The following MARCHF1 variants were observed in gnomAD, a reference collection of about 807,000 sequenced individuals.
The protein encoded by MARCHF1 is E3 ubiquitin-protein ligase MARCHF1.
Under a neutral mutation model 54.2 loss-of-function variants are expected in MARCHF1, and 40 were observed. That is an observed-to-expected ratio of 0.74 (90% CI 0.57 to 0.96). The LOEUF is 0.96. MARCHF1 is among the 40% of genes least tolerant of loss of function. The probability of loss-of-function intolerance (pLI) is 0.00; values close to 1 mark genes in which losing one functional copy is unlikely to be tolerated. For synonymous variants in MARCHF1, 236 were observed against 236.3 expected (o/e 1.00, Z 0.01); for missense variants, 586 against 656.5 (o/e 0.89, Z 1.17).
rs1753916591 is a variant in MARCHF1, at chr4:164,033,229, C to T, written c.-247-44520G>A. On this transcript the variant is annotated intron_variant, in intron 2 of 9. Transcript: ENST00000514618. ...GGAAAACCGGCTAGCCATTTGCAGA[C>T]AACTAAAATTGGACCCCTTCCCTAT... Among the ~76,000 whole-genome samples the T allele has an allele frequency of 2.0e-5, 3 of 149,686 alleles. No individual in the cohort carries two copies. In the South Asian group the frequency reaches 6.3e-4, roughly 31 times the overall value.
intron 1 of MARCHF1, among the ~76,000 whole-genome samples, chr4:164,165,082 C>G (rs1031354989): frequency 4.6e-5 from 7 of 151,918 alleles, no homozygotes; most frequent in Non-Finnish European, 1.0e-4. Flanking sequence ...GAGCGCATGT[C>G]AGATAGCCCA....
intron 5 of MARCHF1, among the ~76,000 whole-genome samples, chr4:163,627,841 T>G (rs944441047): frequency 6.5e-5 from 4 of 61,370 alleles, no homozygotes; most frequent in Admixed American, 1.4e-4. Flanking sequence ...AAGGAATATG[T>G]TTTTTTTTTA....
intron 5 of MARCHF1, among the ~76,000 whole-genome samples, chr4:163,632,191 G>A (rs970597985): frequency 2.6e-5 from 4 of 152,184 alleles, no homozygotes; most frequent in Admixed American, 1.3e-4. Flanking sequence ...TCTATGATAT[G>A]GTTTGAATAT....
intron 3 of MARCHF1, among the ~76,000 whole-genome samples, chr4:163,978,051 C>G (rs4691943): frequency 0.53 from 79,896 of 151,946 alleles, 22,507 homozygotes; most frequent in Middle Eastern, 0.68. Context: ...ATGTATTTCG[C>G]TATAAATTCT....
chr4:164,211,756 TG>T (rs778952852), intron 1 of MARCHF1, among the ~76,000 whole-genome samples: 3 of 152,156 alleles, frequency 2.0e-5, no homozygotes, highest in African/African-American at 7.2e-5. Context: ...GGATGCCATC[TG>T]GGAATGAGTT....
At chr4:164,070,302 T>C (rs998772666) in intron 2 of MARCHF1, among the ~76,000 whole-genome samples, 2 of 152,184 alleles carry the variant, frequency 1.3e-5, no homozygotes, top group African/African-American at 2.4e-5. Flanking sequence ...AAGTGATACA[T>C]ACAGGCCTTA....
intron 1 of MARCHF1, among the ~76,000 whole-genome samples, chr4:164,326,796 A>G (rs1241552194): frequency 2.0e-5 from 3 of 152,222 alleles, no homozygotes; most frequent in Non-Finnish European, 4.4e-5. Context: ...AAAAGTATAG[A>G]TTCTGGAGCC....
At chr4:163,558,459 T>A (rs908486427) in intron 8 of MARCHF1, among the ~76,000 whole-genome samples, 3 of 152,208 alleles carry the variant, frequency 2.0e-5, no homozygotes, top group Non-Finnish European at 4.4e-5. Flanking sequence ...GAAGGTTCTC[T>A]GGCTTCAGGA....
intron 4 of MARCHF1, among the ~76,000 whole-genome samples, chr4:163,706,758 C>T (rs1744961819): frequency 6.6e-6 from 1 of 151,694 alleles, no homozygotes; most frequent in African/African-American, 2.4e-5. Context: ...ATAAAATGAT[C>T]TTAAAAAACA....
At chr4:163,918,584 T>C (rs975498212) in intron 3 of MARCHF1, among the ~76,000 whole-genome samples, 1 of 152,178 alleles carries the variant, frequency 6.6e-6, no homozygotes, top group Admixed American at 6.6e-5. Context: ...GTGTGTATCT[T>C]CAGCAACATG....
intron 5 of MARCHF1, among the ~76,000 whole-genome samples, chr4:163,694,247 C>T (rs574707264): frequency 1.0e-3 from 159 of 152,258 alleles, no homozygotes; most frequent in Admixed American, 2.2e-3. Context: ...ACCAAAATCC[C>T]TTTGGGTCCC....
chr4:164,103,955 T>C (rs1358690298), intron 2 of MARCHF1, among the ~76,000 whole-genome samples: 1 of 150,338 alleles, frequency 6.7e-6, no homozygotes, highest in Non-Finnish European at 1.5e-5. Context: ...CCCACAGAAA[T>C]ACAAACTACC....
intron 2 of MARCHF1, among the ~76,000 whole-genome samples, chr4:164,042,295 T>C (rs978184034): frequency 1.3e-5 from 2 of 151,932 alleles, no homozygotes; most frequent in Non-Finnish European, 2.9e-5. Flanking sequence ...GAGTAATGTA[T>C]GAAAAAAGAG....
chr4:163,534,689 T>G (rs986447671), intron 9 of MARCHF1, among the ~76,000 whole-genome samples: 1 of 152,090 alleles, frequency 6.6e-6, no homozygotes, highest in African/African-American at 2.4e-5. Context: ...CAGGCATTTA[T>G]CATTAATCAG....
chr4:163,548,185 A>G (rs1419341911), intron 8 of MARCHF1, among the ~76,000 whole-genome samples: 2 of 152,216 alleles, frequency 1.3e-5, no homozygotes, highest in African/African-American at 4.8e-5. Flanking sequence ...TGGCAATAGC[A>G]TTTTGCAATT....
chr4:164,302,916 AG>A (rs58766096), intron 1 of MARCHF1, among the ~76,000 whole-genome samples: 15,095 of 151,632 alleles, frequency 0.1, 918 homozygotes, highest in African/African-American at 0.16. Context: ...ATGCTATTAA[AG>A]CCTGAAGAAA....
At chr4:163,580,700 ATAT>A (rs1218657172) in intron 8 of MARCHF1, among the ~76,000 whole-genome samples, 1 of 152,202 alleles carries the variant, frequency 6.6e-6, no homozygotes, top group Middle Eastern at 3.2e-3. Flanking sequence ...ATTGGGTAAA[ATAT>A]TATTGTTTAA....
intron 1 of MARCHF1, among the ~76,000 whole-genome samples, chr4:164,372,873 CATTT>C (rs1056930168): frequency 2.0e-5 from 3 of 151,948 alleles, no homozygotes; most frequent in Non-Finnish European, 2.9e-5. Flanking sequence ...TTAATCAATT[CATTT>C]ATTTATTTAT....
rs74207024 is a variant in MARCHF1 at position 164,122,430 on chromosome 4, G to A, written c.-322-10768C>T. 2.5e-3 allele frequency among the ~76,000 whole-genome samples: 378 copies of A among 152,120 alleles called. No individual in the cohort carries two copies. In the Middle Eastern group the frequency reaches 0.027, roughly 11 times the overall value. On this transcript the variant is annotated intron_variant, in intron 1 of 9. Coordinates refer to ENST00000514618, the MANE Select transcript of MARCHF1 (RefSeq NM_001394959.1). The stretch of plus-strand genomic sequence containing the variant: ...CCATCTTTCCTTCTCTTTGTCAGCC[G>A]CATGTACAGTAAGGAGCATATAAGA...
Sources: allele counts gnomAD v4.1 joint callset (sites outside exome capture counted in the v4.1 genomes callset), GRCh38; gene constraint gnomAD v4.1.1; transcripts MANE v1.5; gene names NCBI Gene and HGNC (gene_info 2026-07-23, HGNC 2026-07-21).